The following FLYWCH2 variants were observed in gnomAD, a reference collection of about 807,000 sequenced individuals.
The protein encoded by FLYWCH2 is FLYWCH family member 2.
FLYWCH2 carries 2 observed loss-of-function variants against 6.0 expected under a neutral mutation model. The observed-to-expected ratio is 0.33, with a 90% CI of 0.14 to 1.04. The LOEUF (loss-of-function observed/expected upper bound fraction) is 1.04. FLYWCH2 is among the 50% of genes least tolerant of loss of function. The pLI is 0.45. For synonymous variants in FLYWCH2, 87 were observed against 79.3 expected (o/e 1.10, Z -0.52); for missense variants, 192 against 183.4 (o/e 1.05, Z -0.27).
At chr16:2,887,059 C>T (rs981298541) in intron 1 of FLYWCH2, among the ~76,000 whole-genome samples, 3 of 152,026 alleles carry the variant, frequency 2.0e-5, no homozygotes, top group Non-Finnish European at 4.4e-5. Flanking sequence ...TTGAAGAAAG[C>T]TTTGCCTAAT....
Position 2,896,789 on chromosome 16 carries a change from C to G in FLYWCH2, c.322+18C>G. 1.2e-6 allele frequency: 2 copies of G among 1,600,832 alleles called. No homozygotes were observed. The highest frequency in any genetic ancestry group is 8.5e-7 in the Non-Finnish European group (1 of 1,177,010). On this transcript the variant is annotated intron_variant, in intron 3 of 3. Coordinates refer to ENST00000396958, the MANE Select transcript of FLYWCH2 (RefSeq NM_138439.3). ...GGACCCAGGTGAGGCTCCACAGCGG[C>G]CCCCCAGGACAGCTCGGCACCTCCC... is the stretch of plus-strand genomic sequence containing the variant.
At chr16:2,888,305 C>T (rs546472677) in intron 1 of FLYWCH2, among the ~76,000 whole-genome samples, 62 of 152,016 alleles carry the variant, frequency 4.1e-4, no homozygotes, top group African/African-American at 1.2e-3. Flanking sequence ...CCACTGTGCC[C>T]GGCCTGTGTC....
chr16:2,888,040 G>A (rs1183990137), intron 1 of FLYWCH2, among the ~76,000 whole-genome samples: 6 of 151,714 alleles, frequency 4.0e-5, no homozygotes, highest in Non-Finnish European at 5.9e-5. Context: ...GTGGAGTCTC[G>A]CTCTGTTGCC....
At chr16:2,883,539 C>T (rs2069664157) in intron 1 of FLYWCH2, among the ~76,000 whole-genome samples, 173 bp downstream of exon 1, 1 of 152,294 alleles carries the variant, frequency 6.6e-6, no homozygotes, top group South Asian at 2.1e-4. Flanking sequence ...GCCTCTCGCC[C>T]CTCCTTCCCC....
At position 2,884,475 on chromosome 16, in the gene FLYWCH2, C is replaced by T. The variant is rs141701308; in HGVS notation, c.-200+1109C>T. Among the ~76,000 whole-genome samples, 20 of 144,244 alleles carry T rather than the reference C, an allele frequency of 1.4e-4. No individual in the cohort carries two copies. In the East Asian group the frequency reaches 3.5e-3, roughly 25 times the overall value. The allele number at this position is 144,244 out of a possible 152,430, so 94.6% of individuals were successfully genotyped here. ...CGGTGGTTCACGCCTGTAATCCTAG[C>T]ACTTTGGGAGGCCGAGGCAGGCAGA... is the stretch of plus-strand genomic sequence containing the variant. On this transcript the variant is annotated intron_variant, in intron 1 of 3. Coordinates refer to ENST00000396958, the MANE Select transcript of FLYWCH2 (RefSeq NM_138439.3).
At chr16:2,896,996 C>G in intron 3 of FLYWCH2, 1 of 591,034 alleles carries the variant, frequency 1.7e-6, no homozygotes, top group Non-Finnish European at 3.0e-6. Context: ...CTGTTCCCCA[C>G]TCTGGAATGC....
intron 1 of FLYWCH2, among the ~76,000 whole-genome samples, chr16:2,888,850 C>G (rs2069725993): frequency 6.6e-6 from 1 of 152,012 alleles, no homozygotes; most frequent in Admixed American, 6.6e-5. Flanking sequence ...TGAGCTAGAG[C>G]AAATATCATG....
chr16:2,884,579 A>AAAAAAAAAAAAC (rs1285185165), intron 1 of FLYWCH2, among the ~76,000 whole-genome samples: 5 of 137,752 alleles, frequency 3.6e-5, no homozygotes, highest in Admixed American at 7.2e-5. Context: ...AAAAAAAAAT[A>AAAAAAAAAAAAC]CAAAAATTAG....
chr16:2,884,558 TAAAAAAAAAAAAAA>T, intron 1 of FLYWCH2, among the ~76,000 whole-genome samples: 1 of 39,286 alleles, frequency 2.5e-5, no homozygotes, highest in Non-Finnish European at 4.8e-5. Context: ...CCGTCTCTAC[TAAAAAAAAAAAAAA>T]AAAAATACAA....
intron 1 of FLYWCH2, among the ~76,000 whole-genome samples, chr16:2,891,638 C>T (rs1263362463): frequency 3.3e-5 from 5 of 152,064 alleles, no homozygotes; most frequent in Admixed American, 1.3e-4. Flanking sequence ...ATCTCCTGAC[C>T]TCGTGATCCA....
chr16:2,891,836 A>C (rs925861576), intron 1 of FLYWCH2, among the ~76,000 whole-genome samples: 9 of 152,042 alleles, frequency 5.9e-5, no homozygotes, highest in African/African-American at 2.2e-4. Flanking sequence ...AGCCAGCTGC[A>C]ATCTCAGGTT....
At chr16:2,894,726 G>A (rs1047943735) in intron 1 of FLYWCH2, among the ~76,000 whole-genome samples, 4 of 152,218 alleles carry the variant, frequency 2.6e-5, no homozygotes, top group Non-Finnish European at 5.9e-5. Context: ...TGGGGTGGGG[G>A]CTTCACATCT....
At chr16:2,897,003 A>T (rs1441958802) in intron 3 of FLYWCH2, 16 of 584,528 alleles carry the variant, frequency 2.7e-5, no homozygotes. Context: ...CCACTCTGGA[A>T]TGCGCTGCCT....
intron 1 of FLYWCH2, among the ~76,000 whole-genome samples, chr16:2,894,167 C>T (rs1362678631): frequency 1.3e-5 from 2 of 150,450 alleles, no homozygotes; most frequent in South Asian, 2.1e-4. Flanking sequence ...TGGCTGCTGG[C>T]CTGGAGGAGG....
chr16:2,898,935 G>A (rs559560523), intron 3 of FLYWCH2, 114 bp from the exon 4 acceptor site: 1 of 738,400 alleles, frequency 1.4e-6, no homozygotes, highest in East Asian at 3.1e-5. Flanking sequence ...GAGGCTTCTG[G>A]CCCTGGAGCA....
intron 3 of FLYWCH2, among the ~76,000 whole-genome samples, chr16:2,897,538 C>T (rs772950161): frequency 1.3e-5 from 2 of 152,202 alleles, no homozygotes; most frequent in Non-Finnish European, 2.9e-5. Context: ...CCCCAGGGCC[C>T]TTGGCTCTGC....
intron 1 of FLYWCH2, among the ~76,000 whole-genome samples, chr16:2,888,400 GTT>G (rs536713674): frequency 8.2e-6 from 1 of 121,438 alleles, no homozygotes; most frequent in Non-Finnish European, 1.7e-5. Flanking sequence ...AGTCCTGCAA[GTT>G]TTTTTTTTTT....
chr16:2,897,249 C>T (rs1034226667), intron 3 of FLYWCH2, among the ~76,000 whole-genome samples: 4 of 152,144 alleles, frequency 2.6e-5, no homozygotes, highest in African/African-American at 7.2e-5. Flanking sequence ...ACTCGAGTCA[C>T]GCAGGATGAG....
At chr16:2,896,992 C>A in intron 3 of FLYWCH2, 2 of 595,342 alleles carry the variant, frequency 3.4e-6, no homozygotes, top group Non-Finnish European at 5.9e-6. Context: ...GTGTCTGTTC[C>A]CCACTCTGGA....
Sources: gnomAD v4.1 joint callset for allele counts (sites outside exome capture counted in the v4.1 genomes callset) on GRCh38, gnomAD v4.1.1 for gene constraint, MANE v1.5 for transcripts, NCBI Gene and HGNC (gene_info 2026-07-23, HGNC 2026-07-21) for gene names.